The following TRIM52 variants were observed in gnomAD, a reference collection of about 807,000 sequenced individuals.
TRIM52 encodes E3 ubiquitin-protein ligase TRIM52.
Under a neutral mutation model 27.0 loss-of-function variants are expected in TRIM52, and 24 were observed. The ratio of observed to expected loss-of-function variants is 0.89; its 90% CI spans 0.64 to 1.25. The LOEUF (loss-of-function observed/expected upper bound fraction) is 1.25. Among genes scored for constraint, TRIM52 ranks in the 50% most tolerant of loss-of-function variants. The pLI, the probability that TRIM52 is intolerant of heterozygous loss-of-function variation, is 0.00. For missense variants in TRIM52, 351 were observed against 354.7 expected (o/e 0.99, Z 0.08); for synonymous variants, 125 against 126.5 (o/e 0.99, Z 0.08).
At chr5:181,249,206 G>C (rs1449676016), downstream of TRIM52, among the ~76,000 whole-genome samples, 1 of 152,190 alleles carries the variant, frequency 6.6e-6, no homozygotes, top group Admixed American at 6.5e-5. Context: ...CAAGCCAAAG[G>C]CTGAGATGCT....
At position 181,260,945 on chromosome 5, in the gene TRIM52, C is replaced by G. The variant is rs1295376818; in HGVS notation, c.-132G>C. Reference sequence around the variant, plus strand: ...ACCTTGCTCTTCTTCCTCGGGGCCGCAGGGGAGCTTTGACCCCCTCTCTCA... The same window carrying G: ...ACCTTGCTCTTCTTCCTCGGGGCCGGAGGGGAGCTTTGACCCCCTCTCTCA... On this transcript the variant is annotated 5_prime_UTR_variant, in exon 1 of 2. Transcript: ENST00000688015. The surrounding 1 kb of genome is among the most constrained non-coding windows in gnomAD (Gnocchi z 4.4). 1.2e-5 allele frequency: 17 copies of G among 1,367,868 alleles called. No individual in the cohort carries two copies. Among genetic ancestry groups the G allele is most frequent in the African/African-American group, 1.5e-5 (1 of 68,268 alleles). The allele number at this position is 1,367,868 out of a possible 1,614,324, so 84.7% of individuals were successfully genotyped here.
downstream of TRIM52, chr5:181,254,365 T>TTTGTTG (rs552966712): frequency 3.2e-5 from 4 of 123,582 alleles, 1 homozygote; most frequent in South Asian, 5.5e-4. Context: ...ATGAATCAGG[T>TTTGTTG]TTGTTGTTGT....
At chr5:181,250,639 C>T (rs187102770), downstream of TRIM52, among the ~76,000 whole-genome samples, 87 of 152,176 alleles carry the variant, frequency 5.7e-4, no homozygotes, top group Non-Finnish European at 1.0e-3. Context: ...CAAAAGATGA[C>T]CCAAGTTTCA....
At chr5:181,257,160 C>A (rs1702431807) in intron 1 of TRIM52, 4 of 1,157,034 alleles carry the variant, frequency 3.5e-6, no homozygotes, top group Non-Finnish European at 4.3e-6. Context: ...TCTAAATGAT[C>A]TTACTTTCAT....
intron 1 of TRIM52, 36 bp from the exon 2 acceptor site, chr5:181,256,895 C>T (rs908231272): frequency 5.1e-6 from 5 of 985,564 alleles, no homozygotes; most frequent in Non-Finnish European, 6.0e-6. Flanking sequence ...TGAGAAAAGC[C>T]TCAACATTTT....
chr5:181,250,397 G>A (rs1264014781), downstream of TRIM52, among the ~76,000 whole-genome samples: 2 of 152,066 alleles, frequency 1.3e-5, no homozygotes, highest in African/African-American at 2.4e-5. Flanking sequence ...TTAGCTGGGC[G>A]TGGTGGTGCA....
chr5:181,259,823 T>C, intron 1 of TRIM52, 178 bp downstream of exon 1: 1 of 1,401,972 alleles, frequency 7.1e-7, no homozygotes, highest in South Asian at 1.4e-5. Flanking sequence ...CTTCATGGTT[T>C]TGTGTCTCCT....
At chr5:181,252,117 C>T (rs2770966), downstream of TRIM52, among the ~76,000 whole-genome samples, 23,408 of 152,116 alleles carry the variant, frequency 0.15, 3,147 homozygotes, top group African/African-American at 0.35. Context: ...TGATAGGTGG[C>T]TCAAGATCAT....
chr5:181,251,044 CT>C (rs1176619500), downstream of TRIM52, among the ~76,000 whole-genome samples: 1 of 152,000 alleles, frequency 6.6e-6, no homozygotes, highest in Non-Finnish European at 1.5e-5. Flanking sequence ...AATCCCAGCA[CT>C]TTGGGAGGCC....
At chr5:181,250,399 G>A (rs1561684502), downstream of TRIM52, among the ~76,000 whole-genome samples, 1 of 152,160 alleles carries the variant, frequency 6.6e-6, no homozygotes, top group Non-Finnish European at 1.5e-5. Flanking sequence ...AGCTGGGCGT[G>A]GTGGTGCATG....
downstream of TRIM52, among the ~76,000 whole-genome samples, chr5:181,250,498 C>T (rs894510950): frequency 6.6e-6 from 1 of 151,308 alleles, no homozygotes; most frequent in Non-Finnish European, 1.5e-5. Context: ...ATTGCGTCAC[C>T]GCACTCCAGC....
downstream of TRIM52, among the ~76,000 whole-genome samples, chr5:181,250,565 GAGA>G (rs1196536017): frequency 2.0e-5 from 3 of 152,232 alleles, no homozygotes; most frequent in East Asian, 5.8e-4. Flanking sequence ...GAAATGCAGG[GAGA>G]AGTCAAGCTT....
intron 1 of TRIM52, chr5:181,257,125 C>T (rs1012025363): frequency 9.3e-7 from 1 of 1,079,508 alleles, no homozygotes; most frequent in Non-Finnish European, 1.1e-6. Context: ...AAACCTGACA[C>T]CATTTAATGG....
downstream of TRIM52, among the ~76,000 whole-genome samples, chr5:181,251,815 T>C (rs1582307887): frequency 6.6e-6 from 1 of 152,202 alleles, no homozygotes; most frequent in East Asian, 1.9e-4. Flanking sequence ...ATTAACTCTG[T>C]CAGCACAGGC....
chr5:181,260,242 G>A lies in TRIM52; in HGVS notation c.572C>T (p.Thr191Ile), dbSNP rs766919621. 3.7e-6 allele frequency: 6 copies of A among 1,614,264 alleles called. No individual in the cohort carries two copies. In the South Asian group the frequency reaches 4.4e-5, roughly 12 times the overall value. ...CAAGTTGGGACGAAAGCTGCGACGT[G>A]TAAAGCTCTTTCGGCACTGGGGGCA... ...FTCPQCRKSF[T>I]RRSFRPNLQL... is the part of the protein sequence containing the mutation. Residue 191 changes from threonine to isoleucine, a missense_variant, in exon 1 of 2, where the codon ACA (threonine) becomes ATA (isoleucine). Physicochemically the swap from Thr to Ile is moderately conservative, Grantham distance 89 (BLOSUM62 -1). Coordinates refer to ENST00000688015, the MANE Select transcript of TRIM52 (RefSeq NM_001346048.2). The surrounding 1 kb of genome is among the most constrained non-coding windows in gnomAD (Gnocchi z 4.4).
At chr5:181,251,602 T>C (rs552167414), downstream of TRIM52, among the ~76,000 whole-genome samples, 24 of 152,340 alleles carry the variant, frequency 1.6e-4, no homozygotes, top group South Asian at 4.8e-3. Flanking sequence ...GCAGGTCTCC[T>C]GATAGCAGGA....
downstream of TRIM52, among the ~76,000 whole-genome samples, chr5:181,253,862 C>G (rs1317935024): frequency 1.4e-5 from 2 of 142,644 alleles, 1 homozygote; most frequent in African/African-American, 5.8e-5. Flanking sequence ...CACTATAGTC[C>G]TTGTTACACA....
At chr5:181,251,464 C>G (rs1759632739), downstream of TRIM52, among the ~76,000 whole-genome samples, 1 of 152,084 alleles carries the variant, frequency 6.6e-6, no homozygotes, top group African/African-American at 2.4e-5. Context: ...CAACAACAAA[C>G]AAACAAAAAA....
intron 1 of TRIM52, 40 bp from the exon 2 acceptor site, chr5:181,256,899 A>C (rs941027763): frequency 2.9e-5 from 29 of 985,540 alleles, no homozygotes; most frequent in Admixed American, 1.2e-4. Context: ...AAAAGCCTCA[A>C]CATTTTTTTT....
Sources: gnomAD v4.1 joint callset for allele counts (sites outside exome capture counted in the v4.1 genomes callset) on GRCh38, gnomAD v4.1.1 for gene constraint, Gnocchi (gnomAD v3.1) non-coding constraint, MANE v1.5 for transcripts, NCBI Gene and HGNC (gene_info 2026-07-23, HGNC 2026-07-21) for gene names.